OR3A2: variants seen among roughly 807,000 people sequenced by gnomAD.
OR3A2 encodes the protein olfactory receptor family 3 subfamily A member 2, also known as olfactory receptor 3A2.
For missense variants in OR3A2, 318 were observed against 392.8 expected, an observed-to-expected ratio of 0.81 and a Z score of 1.61; for synonymous variants, 126 against 159.3, an observed-to-expected ratio of 0.79 and a Z score of 1.57.
chr17:3,321,681 T>C (rs992849039), intron 3 of OR3A2, among the ~76,000 whole-genome samples: 2 of 152,224 alleles, frequency 1.3e-5, no homozygotes, highest in African/African-American at 2.4e-5. Context: ...CTGGATTACA[T>C]TTATTGATTG....
intron 2 of OR3A2, among the ~76,000 whole-genome samples, chr17:3,338,999 A>G (rs183705188): frequency 6.6e-6 from 1 of 152,234 alleles, no homozygotes; most frequent in Non-Finnish European, 1.5e-5. Flanking sequence ...TGTAAGTTGG[A>G]TTCCTAGGTA....
upstream of OR3A2, among the ~76,000 whole-genome samples, chr17:3,286,036 G>A (rs1376522612): frequency 6.6e-6 from 1 of 152,112 alleles, no homozygotes; most frequent in Non-Finnish European, 1.5e-5. Flanking sequence ...TTCTACATTA[G>A]GTATTTCTCT....
At chr17:3,341,993 T>A (rs1027812561) in intron 2 of OR3A2, among the ~76,000 whole-genome samples, 1 of 152,202 alleles carries the variant, frequency 6.6e-6, no homozygotes, top group African/African-American at 2.4e-5. Context: ...AAACTTCTCT[T>A]CTTGCTTTAT....
Position 3,311,056 on chromosome 17 carries a change from C to A in OR3A2, c.-85+24977G>T. ...TTCTCCACGTGTAGTTCCCACCTCACTGTGGTGGGCATCTTCTATGGGACG... is the reference window on the plus strand; with the variant it reads ...TTCTCCACGTGTAGTTCCCACCTCAATGTGGTGGGCATCTTCTATGGGACG... On this transcript the variant is annotated intron_variant, in intron 3 of 4. Transcript: ENST00000573491. The surrounding 1 kb of genome is among the most constrained non-coding windows in gnomAD (Gnocchi z 4.6). 1.8e-6 allele frequency: 1 copy of A among 545,990 alleles called. No individual in the cohort carries two copies. Among genetic ancestry groups the A allele is most frequent in the South Asian group, 1.4e-5 (1 of 72,582 alleles). The allele number at this position is 545,990 out of a possible 1,614,324, so 33.8% of individuals were successfully genotyped here.
chr17:3,317,578 G>A (rs150148876), intron 3 of OR3A2, among the ~76,000 whole-genome samples: 1 of 152,252 alleles, frequency 6.6e-6, no homozygotes, highest in African/African-American at 2.4e-5. Flanking sequence ...GTGACACAGG[G>A]TAGATCATTT....
upstream of OR3A2, among the ~76,000 whole-genome samples, chr17:3,289,243 G>A (rs980716110): frequency 6.6e-6 from 1 of 152,256 alleles, no homozygotes; most frequent in Non-Finnish European, 1.5e-5. Flanking sequence ...TTTACAACAT[G>A]ATGTATTACA....
At chr17:3,355,235 A>AATGAT (rs1315022737) in intron 2 of OR3A2, among the ~76,000 whole-genome samples, 3 of 151,504 alleles carry the variant, frequency 2.0e-5, no homozygotes, top group Non-Finnish European at 4.4e-5. Context: ...TATCATTGAG[A>AATGAT]ATGATCCATG....
chr17:3,276,793 T>C (rs1194741017), downstream of OR3A2: 1 of 152,206 alleles, frequency 6.6e-6, no homozygotes, highest in Non-Finnish European at 1.5e-5. Flanking sequence ...GAAAAAGGCA[T>C]GGCAGGGAAT....
intron 2 of OR3A2, among the ~76,000 whole-genome samples, chr17:3,336,689 G>A (rs2049276664): frequency 6.6e-6 from 1 of 152,094 alleles, no homozygotes; most frequent in South Asian, 2.1e-4. Flanking sequence ...CACTGTCTGG[G>A]TTGCCAGACA....
At chr17:3,351,147 C>G (rs1319281963) in intron 2 of OR3A2, among the ~76,000 whole-genome samples, 1 of 150,866 alleles carries the variant, frequency 6.6e-6, no homozygotes, top group African/African-American at 2.4e-5. Context: ...CCTCTCTCAC[C>G]ACTCCTATTC....
chr17:3,377,385 A>G (rs2049693624), intron 2 of OR3A2: 2 of 152,216 alleles, frequency 1.3e-5, no homozygotes, highest in Admixed American at 6.5e-5. Flanking sequence ...TAGGTGTTCA[A>G]TAAAGGGTAG....
intron 2 of OR3A2, among the ~76,000 whole-genome samples, chr17:3,366,628 A>AT (rs1174072662): frequency 1.3e-5 from 2 of 152,146 alleles, no homozygotes; most frequent in Admixed American, 6.6e-5. Flanking sequence ...TATTATGGAG[A>AT]TTTATGATTT....
At chr17:3,327,910 A>G (rs1393057523) in intron 3 of OR3A2, among the ~76,000 whole-genome samples, 3 of 127,072 alleles carry the variant, frequency 2.4e-5, no homozygotes, top group Admixed American at 8.2e-5. Context: ...TGTTCCATTG[A>G]CCTATATCTC....
intron 2 of OR3A2, among the ~76,000 whole-genome samples, chr17:3,361,640 T>C (rs1170340157): frequency 6.6e-6 from 1 of 151,830 alleles, no homozygotes; most frequent in Non-Finnish European, 1.5e-5. Context: ...TGTTGAATTT[T>C]GTCAAAGACC....
exon 1 of OR3A2, chr17:3,386,199 G>C (rs2049775319): frequency 2.5e-6 from 1 of 398,822 alleles, no homozygotes; most frequent in Non-Finnish European, 4.4e-6. Flanking sequence ...ACCCGGGCCA[G>C]GCCATATCCT....
chr17:3,345,135 G>A (rs1011571292), intron 2 of OR3A2, among the ~76,000 whole-genome samples: 7 of 152,146 alleles, frequency 4.6e-5, no homozygotes, highest in East Asian at 1.9e-4. Flanking sequence ...AAGGTACCAC[G>A]ATGCTGATGT....
rs1597334547 is a variant in OR3A2 at position 3,313,988 on chromosome 17, T to C, written c.-85+22045A>G. Among the ~76,000 whole-genome samples the C allele has an allele frequency of 2.0e-5, 3 of 152,192 alleles. No individual in the cohort carries two copies. In the East Asian group the frequency reaches 5.8e-4, roughly 29 times the overall value. On this transcript the variant is annotated intron_variant, in intron 3 of 4. Transcript: ENST00000573491. ...TATCCTCAAGGTCCCAATATTAGGA[T>C]AGTATAAAGATATAAAGAGAAAATT...
At chr17:3,372,991 C>A (rs2049646103) in intron 2 of OR3A2, among the ~76,000 whole-genome samples, 1 of 152,092 alleles carries the variant, frequency 6.6e-6, no homozygotes, top group South Asian at 2.1e-4. Flanking sequence ...CAGAAGCTTT[C>A]ATAGGTTGTG....
intron 2 of OR3A2, among the ~76,000 whole-genome samples, chr17:3,348,467 G>C (rs2049389627): frequency 6.6e-6 from 1 of 151,978 alleles, no homozygotes; most frequent in East Asian, 1.9e-4. Flanking sequence ...AAGCGAGAAG[G>C]GAAGTTTAGA....
Sources: allele counts gnomAD v4.1 joint callset (sites outside exome capture counted in the v4.1 genomes callset), GRCh38; gene constraint gnomAD v4.1.1; non-coding constraint Gnocchi (gnomAD v3.1); transcripts MANE v1.5; gene names NCBI Gene and HGNC (gene_info 2026-07-23, HGNC 2026-07-21).